KAT6B: variants seen among roughly 807,000 people sequenced by gnomAD.
The protein encoded by KAT6B is lysine acetyltransferase 6B.
In KAT6B, 10 loss-of-function variants were observed where a neutral mutation model predicts 187.5. That is an observed-to-expected ratio of 0.05 (90% confidence interval 0.03 to 0.09). KAT6B has a LOEUF of 0.09. KAT6B is among the 10% of genes least tolerant of loss of function. The probability of loss-of-function intolerance (pLI) is 1.00; values close to 1 mark genes in which losing one functional copy is unlikely to be tolerated. For synonymous variants in KAT6B, 861 were observed against 926.8 expected, an observed-to-expected ratio of 0.93 and a Z score of 1.29; for missense variants, 1,952 against 2,558.9, an observed-to-expected ratio of 0.76 and a Z score of 5.12.
chr10:74,850,129 G>A (rs1485098558), intron 3 of KAT6B, among the ~76,000 whole-genome samples: 2 of 151,968 alleles, frequency 1.3e-5, no homozygotes, highest in Admixed American at 6.6e-5. Flanking sequence ...TAGTAGAGAC[G>A]GGGTTTCACC....
At chr10:74,930,050 G>A (rs1848763651) in intron 3 of KAT6B, among the ~76,000 whole-genome samples, 1 of 151,564 alleles carries the variant, frequency 6.6e-6, no homozygotes, top group Non-Finnish European at 1.5e-5. Context: ...CTCCAGAGTA[G>A]CTGGGATTAC....
chr10:74,888,518 A>G (rs1279021317), intron 3 of KAT6B, among the ~76,000 whole-genome samples: 1 of 152,248 alleles, frequency 6.6e-6, no homozygotes, highest in Admixed American at 6.5e-5. Flanking sequence ...TGAATTACAC[A>G]TTAAAGCAAC....
At chr10:74,959,588 G>A (rs1840943664) in intron 3 of KAT6B, among the ~76,000 whole-genome samples, 1 of 152,020 alleles carries the variant, frequency 6.6e-6, no homozygotes, top group Non-Finnish European at 1.5e-5. Flanking sequence ...TCAGGAGATC[G>A]AGACCATCCT....
intron 13 of KAT6B, among the ~76,000 whole-genome samples, chr10:74,997,552 G>A (rs973755087): frequency 2.6e-5 from 4 of 152,016 alleles, no homozygotes; most frequent in East Asian, 1.9e-4. Flanking sequence ...ACTCCACTCC[G>A]AAGTCTCTTA....
chr10:75,012,017 T>C (rs1213261260), intron 13 of KAT6B, among the ~76,000 whole-genome samples: 1 of 152,178 alleles, frequency 6.6e-6, no homozygotes, highest in African/African-American at 2.4e-5. Context: ...CTTTCCTTAC[T>C]GGGACCCATA....
At chr10:74,998,763 A>G (rs1843630013) in intron 13 of KAT6B, among the ~76,000 whole-genome samples, 1 of 152,144 alleles carries the variant, frequency 6.6e-6, no homozygotes, top group Non-Finnish European at 1.5e-5. Flanking sequence ...TACAAAAATA[A>G]ATAAATGAAA....
chr10:74,960,316 T>C (rs1841012775), intron 4 of KAT6B, among the ~76,000 whole-genome samples: 1 of 152,148 alleles, frequency 6.6e-6, no homozygotes, highest in Admixed American at 6.5e-5. Context: ...TAAGCTTTTA[T>C]TTTATACCAG....
Position 75,030,375 on chromosome 10 carries a change from A to G in KAT6B, c.5551A>G (p.Thr1851Ala). The part of the protein sequence containing the change: ...TSYANSASLS[T>A]PLSNTGLVQL... ...CTATGCAAACAGTGCCTCTTTGTCC[A>G]CACCATTAAGTAACACAGGGCTTGT... Residue 1851 changes from threonine (T) to alanine (A), a missense_variant, in exon 18 of 18, where the codon ACA (threonine) becomes GCA (alanine). Thr to Ala is a moderately conservative substitution (Grantham distance 58). Around this residue, in one of 9 missense-constraint regions of KAT6B, gnomAD observed 358 missense variants for 436.3 expected, o/e 0.82. Transcript: ENST00000287239. This position sits in a 1 kb window ranked among gnomAD's most constrained non-coding sequence, Gnocchi z 4.8. 6 of 1,614,200 alleles carry G rather than the reference A, an allele frequency of 3.7e-6. No individual in the cohort carries two copies. The highest frequency in any genetic ancestry group is 5.1e-6 in the Non-Finnish European group (6 of 1,180,036).
At position 75,020,705 on chromosome 10, in the gene KAT6B, A is replaced by T; in HGVS notation, c.2753A>T (p.His918Leu). Residue 918 changes from histidine to leucine, a missense_variant, in exon 14 of 18, where the codon CAT (histidine) becomes CTT (leucine). Coordinates refer to ENST00000287239, the MANE Select transcript of KAT6B (RefSeq NM_012330.4). ...SVILEYLYHH[H>L]ERHISIKAIS... ...ATCTTGGAGTATCTCTACCACCACC[A>T]TGAGAGGCACATCAGCATCAAGGCA... The T allele has an allele frequency of 6.2e-7, 1 of 1,613,768 alleles. No individual in the cohort carries two copies. Among genetic ancestry groups the T allele is most frequent in the Non-Finnish European group, 8.5e-7 (1 of 1,179,880 alleles).
At chr10:75,018,593 G>A (rs920130607) in intron 13 of KAT6B, among the ~76,000 whole-genome samples, 4 of 152,274 alleles carry the variant, frequency 2.6e-5, no homozygotes, top group Non-Finnish European at 2.9e-5. Flanking sequence ...GGACTGTAGC[G>A]GGGAGACAGA....
chr10:75,023,185 C>T (rs1467468134), intron 16 of KAT6B, among the ~76,000 whole-genome samples: 1 of 152,214 alleles, frequency 6.6e-6, no homozygotes, highest in Non-Finnish European at 1.5e-5. Flanking sequence ...GATCTGATAT[C>T]TTTGTCTTCA....
chr10:74,925,872 A>G (rs1021969127), intron 3 of KAT6B, among the ~76,000 whole-genome samples: 7 of 151,448 alleles, frequency 4.6e-5, no homozygotes, highest in African/African-American at 1.5e-4. Flanking sequence ...CTTGAAATAG[A>G]GTGTGTGCAG....
Position 74,975,674 on chromosome 10 carries a change from C to T in KAT6B, c.1337C>T (p.Pro446Leu). The change falls in exon 8 of 18, where the codon CCT becomes CTT. Residue 446 changes from proline (P) to leucine (L), a missense_variant. Pro to Leu is a moderately conservative substitution (Grantham distance 98, BLOSUM62 -3). This residue lies in a region of KAT6B where 417 missense variants were observed against 508.9 expected (regional missense o/e 0.82). Coordinates refer to ENST00000287239, the MANE Select transcript of KAT6B (RefSeq NM_012330.4). ...CTTACTAAGTTTTTTACACCATCACCTGATGGTCGCAGATCACGAGGTGAA... is the reference window on the plus strand; with the variant it reads ...CTTACTAAGTTTTTTACACCATCACTTGATGGTCGCAGATCACGAGGTGAA... ...DGLTKFFTPS[P>L]DGRRSRGEII... 3.7e-6 allele frequency: 6 copies of T among 1,614,214 alleles called. No homozygotes were observed. The highest frequency in any genetic ancestry group is 2.2e-5 in the East Asian group (1 of 44,886).
At chr10:74,930,922 G>A (rs1334508757) in intron 3 of KAT6B, among the ~76,000 whole-genome samples, 4 of 152,054 alleles carry the variant, frequency 2.6e-5, no homozygotes, top group African/African-American at 2.4e-5. Context: ...ATTCAGCTAC[G>A]TGTCCATAGA....
chr10:74,872,133 A>ATAATC (rs1317779622), intron 3 of KAT6B, among the ~76,000 whole-genome samples: 1 of 152,192 alleles, frequency 6.6e-6, no homozygotes, highest in Non-Finnish European at 1.5e-5. Context: ...CACAGACTAG[A>ATAATC]TACTCAGTAG....
intron 3 of KAT6B, among the ~76,000 whole-genome samples, chr10:74,890,683 G>A (rs1330627062): frequency 6.6e-6 from 1 of 152,234 alleles, no homozygotes; most frequent in African/African-American, 2.4e-5. Flanking sequence ...GGACCATGAA[G>A]AGCTGAGAAT....
rs988974012 is a variant in KAT6B at position 75,028,919 on chromosome 10, A to G, written c.4095A>G (p.Glu1365=). The G allele has an allele frequency of 1.2e-6, 2 of 1,611,982 alleles. No homozygotes were observed. Among genetic ancestry groups the G allele is most frequent in the Non-Finnish European group, 1.7e-6 (2 of 1,178,756 alleles). The change falls in exon 18 of 18, where the codon GAA becomes GAG. Residue 1365 remains glutamate, a synonymous_variant. Coordinates refer to ENST00000287239, the MANE Select transcript of KAT6B (RefSeq NM_012330.4). ...AGGAGGAGGAAGAGGAAGAAGAGGA[A>G]GAAGAGGAAGGGGAAGAAGAAGAAG... ...EEEEEEEEEE[E]EEEGEEEEGG... is the part of the protein sequence containing the mutation.
At chr10:74,828,126 A>C (rs1840411097) in intron 1 of KAT6B, among the ~76,000 whole-genome samples, 1 of 152,182 alleles carries the variant, frequency 6.6e-6, no homozygotes, top group Admixed American at 6.5e-5. Flanking sequence ...GTAGGAGATG[A>C]CCAGGCAAAG....
intron 13 of KAT6B, among the ~76,000 whole-genome samples, chr10:74,991,653 C>G (rs1225295453): frequency 1.3e-5 from 2 of 152,108 alleles, no homozygotes; most frequent in Non-Finnish European, 2.9e-5. Flanking sequence ...TTCCTGTACA[C>G]CTAGCATTGC....
Sources: allele counts gnomAD v4.1 joint callset (sites outside exome capture counted in the v4.1 genomes callset), GRCh38; gene constraint gnomAD v4.1.1; regional missense constraint gnomAD v4.1.1; non-coding constraint Gnocchi (gnomAD v3.1); transcripts MANE v1.5; gene names NCBI Gene and HGNC (gene_info 2026-07-23, HGNC 2026-07-21).